Variants in NTNG1 observed in about 807,000 individuals in gnomAD.
The protein encoded by NTNG1 is netrin G1.
In NTNG1, 16 loss-of-function variants were observed where a neutral mutation model predicts 54.0. The observed-to-expected ratio is 0.30, with a 90% CI of 0.20 to 0.45. The LOEUF (loss-of-function observed/expected upper bound fraction) is 0.45. NTNG1 is among the 20% of genes least tolerant of loss of function. The pLI, the probability that NTNG1 is intolerant of heterozygous loss-of-function variation, is 1.00. For synonymous variants in NTNG1, 255 were observed against 263.1 expected (o/e 0.97, Z 0.30); for missense variants, 530 against 678.7 (o/e 0.78, Z 2.43).
At chr1:107,349,825 A>G (rs1375432484) in intron 3 of NTNG1, among the ~76,000 whole-genome samples, 2 of 152,132 alleles carry the variant, frequency 1.3e-5, no homozygotes, top group Non-Finnish European at 2.9e-5. Flanking sequence ...CAGTTTATCT[A>G]TACTCCTGTC....
intron 2 of NTNG1, among the ~76,000 whole-genome samples, chr1:107,296,864 A>C (rs1400579578): frequency 6.7e-6 from 1 of 149,256 alleles, no homozygotes; most frequent in Non-Finnish European, 1.5e-5. Flanking sequence ...TAATCAGAGT[A>C]CTTACCCTAC....
At chr1:107,404,929 G>A (rs1673308101) in intron 4 of NTNG1, among the ~76,000 whole-genome samples, 1 of 152,166 alleles carries the variant, frequency 6.6e-6, no homozygotes, top group Non-Finnish European at 1.5e-5. Context: ...CCTAAGCACA[G>A]TCTGACTCTC....
At chr1:107,343,213 C>T (rs1018703256) in intron 3 of NTNG1, among the ~76,000 whole-genome samples, 3 of 152,092 alleles carry the variant, frequency 2.0e-5, no homozygotes, top group Admixed American at 6.6e-5. Flanking sequence ...TCCAATGTCA[C>T]GCTCCACTTT....
At chr1:107,291,302 TATAAC>T (rs1468311715) in intron 2 of NTNG1, among the ~76,000 whole-genome samples, 1 of 152,166 alleles carries the variant, frequency 6.6e-6, no homozygotes, top group African/African-American at 2.4e-5. Context: ...ATATAATACA[TATAAC>T]ATAGAAAATA....
chr1:107,181,679 C>T (rs1324092314), intron 2 of NTNG1, among the ~76,000 whole-genome samples: 1 of 152,046 alleles, frequency 6.6e-6, no homozygotes, highest in East Asian at 1.9e-4. Flanking sequence ...ATGTCAGCTC[C>T]CTCCCTTGCT....
At chr1:107,230,315 T>G (rs1406817712) in intron 2 of NTNG1, among the ~76,000 whole-genome samples, 1 of 152,184 alleles carries the variant, frequency 6.6e-6, no homozygotes, top group Non-Finnish European at 1.5e-5. Context: ...AAGACAGCCC[T>G]TATGCCCTTT....
intron 2 of NTNG1, among the ~76,000 whole-genome samples, chr1:107,229,069 G>T (rs1000221709): frequency 2.0e-4 from 31 of 152,068 alleles, no homozygotes; most frequent in Admixed American, 1.8e-3. Context: ...GCCTTTCAAA[G>T]ATGTGTAGCT....
At position 107,481,960 on chromosome 1, in the gene NTNG1, C is replaced by T. The variant is rs996097263; in HGVS notation, c.*1120C>T. On this transcript the variant is annotated 3_prime_UTR_variant, in exon 8 of 8. Coordinates refer to ENST00000370068, the MANE Select transcript of NTNG1 (RefSeq NM_001113226.3). ...GTGTGGACTGAGTACATTCAGCTGA[C>T]GAATTTAGTTCCCAGGAAGATGGAT... The T allele has an allele frequency of 6.7e-6, 1 of 148,930 alleles. No homozygotes were observed. The highest frequency in any genetic ancestry group is 6.7e-5 in the Admixed American group (1 of 14,846). The allele number at this position is 148,930 out of a possible 1,614,324, so 9.2% of individuals were successfully genotyped here. A position where few individuals can be genotyped will look rare whatever the true frequency, so the allele number is the denominator to read the frequency against.
At chr1:107,151,074 A>G (rs1654530943) in intron 2 of NTNG1, among the ~76,000 whole-genome samples, 1 of 152,210 alleles carries the variant, frequency 6.6e-6, no homozygotes, top group African/African-American at 2.4e-5. Flanking sequence ...TGGTTTTCCA[A>G]GGGAGAATGT....
chr1:107,418,745 G>A, intron 5 of NTNG1: 1 of 664,396 alleles, frequency 1.5e-6, no homozygotes, highest in Non-Finnish European at 2.6e-6. Flanking sequence ...TATCATGAAT[G>A]CTATGTCTTT....
intron 6 of NTNG1, among the ~76,000 whole-genome samples, chr1:107,434,684 C>G (rs1447980646): frequency 6.6e-6 from 1 of 152,084 alleles, no homozygotes; most frequent in Non-Finnish European, 1.5e-5. Flanking sequence ...CTTTTAATAC[C>G]TGTAAATCAA....
intron 2 of NTNG1, among the ~76,000 whole-genome samples, chr1:107,226,481 A>G (rs576594833): frequency 3.9e-5 from 6 of 152,148 alleles, no homozygotes; most frequent in Non-Finnish European, 8.8e-5. Context: ...ATGTAGGTTC[A>G]TATGCCTCCA....
At position 107,407,843 on chromosome 1, in the gene NTNG1, T is replaced by C. The variant is rs1673539168; in HGVS notation, c.1087+135T>C. ...GGTATTTTCTTTGTGAATTGCATTTTTGTGTTGGTTTTCTGCACAGATCTG... is the reference window on the plus strand; with the variant it reads ...GGTATTTTCTTTGTGAATTGCATTTCTGTGTTGGTTTTCTGCACAGATCTG... On this transcript the variant is annotated intron_variant, in intron 5 of 7. Transcript: ENST00000370068. 1.1e-5 allele frequency: 9 copies of C among 811,088 alleles called. No homozygotes were observed. In the East Asian group the frequency reaches 2.2e-4, roughly 20 times the overall value. The allele number at this position is 811,088 out of a possible 1,614,324, so 50.2% of individuals were successfully genotyped here.
chr1:107,189,187 C>T (rs1657701538), intron 2 of NTNG1, among the ~76,000 whole-genome samples: 1 of 151,586 alleles, frequency 6.6e-6, no homozygotes, highest in South Asian at 2.1e-4. Context: ...TCCTTCTCTA[C>T]CAAAAATACA....
intron 2 of NTNG1, among the ~76,000 whole-genome samples, chr1:107,290,542 C>T (rs1441298397): frequency 6.6e-6 from 1 of 151,932 alleles, no homozygotes; most frequent in Non-Finnish European, 1.5e-5. Context: ...AGAGGATAAA[C>T]TTGCCTTAAA....
chr1:107,480,623 A>T lies in NTNG1; in HGVS notation c.1403A>T (p.Asp468Val). 1 of 1,253,246 alleles carries T rather than the reference A, an allele frequency of 8.0e-7. No individual in the cohort carries two copies. Among genetic ancestry groups the T allele is most frequent in the Non-Finnish European group, 1.1e-6 (1 of 946,484 alleles). 77.6% of individuals were successfully genotyped at this position (1,253,246 alleles called of 1,614,324 possible). A position where few individuals can be genotyped will look rare whatever the true frequency, so the allele number is the denominator to read the frequency against. The change falls in exon 8 of 8, where the codon GAC (aspartate) becomes GTC (valine). Residue 468 changes from aspartate to valine, a missense_variant. Asp to Val is a radical substitution (Grantham distance 152). This residue lies in a region of NTNG1 where 212 missense variants were observed against 213.6 expected (regional missense o/e 0.99). Coordinates refer to ENST00000370068, the MANE Select transcript of NTNG1 (RefSeq NM_001113226.3). The part of the protein sequence containing the change: ...WHYGCQPNVC[D>V]NELLHCQNGG... ...CCTCATTCTGCAGCGAATGTCTGCG[A>T]CAACGAGCTCCTGCACTGCCAGAAC... is the stretch of plus-strand genomic sequence containing the variant.
At chr1:107,397,761 A>C (rs1354541716) in intron 4 of NTNG1, among the ~76,000 whole-genome samples, 1 of 151,770 alleles carries the variant, frequency 6.6e-6, no homozygotes, top group African/African-American at 2.4e-5. Context: ...TTAAGTAGTA[A>C]AGGAAGTATA....
chr1:107,430,977 T>C, intron 6 of NTNG1, 60 bp downstream of exon 6: 1 of 1,545,992 alleles, frequency 6.5e-7, no homozygotes, highest in Non-Finnish European at 8.8e-7. Context: ...GGGAGATATT[T>C]AGGGTGGAGA....
intron 7 of NTNG1, among the ~76,000 whole-genome samples, chr1:107,478,853 T>C (rs1678508037): frequency 6.6e-6 from 1 of 152,254 alleles, no homozygotes; most frequent in Non-Finnish European, 1.5e-5. Flanking sequence ...AAACAAGAGC[T>C]TTTGTCAGTT....
Sources: allele counts gnomAD v4.1 joint callset (sites outside exome capture counted in the v4.1 genomes callset), GRCh38; gene constraint gnomAD v4.1.1; regional missense constraint gnomAD v4.1.1; transcripts MANE v1.5; gene names NCBI Gene and HGNC (gene_info 2026-07-23, HGNC 2026-07-21).